Variants in DENND4A observed in about 807,000 individuals in gnomAD.
DENND4A encodes C-myc promoter-binding protein.
A neutral mutation model predicts 199.3 loss-of-function variants in DENND4A; 70 were observed. The observed-to-expected ratio is 0.35, with a 90% CI of 0.29 to 0.43. The LOEUF (loss-of-function observed/expected upper bound fraction) is 0.43. DENND4A is among the 20% of genes least tolerant of loss of function. DENND4A has a pLI of 1.00. For synonymous variants in DENND4A, 686 were observed against 766.9 expected (o/e 0.89, Z 1.74); for missense variants, 1,723 against 2,255.8 (o/e 0.76, Z 4.78).
At chr15:65,718,023 T>G (rs1473815370) in intron 12 of DENND4A, 27 bp from the exon 13 acceptor site, 10 of 1,502,918 alleles carry the variant, frequency 6.7e-6, no homozygotes, top group Non-Finnish European at 9.0e-6. Context: ...TGTTAGTGTT[T>G]TCTCCAAACT....
intron 1 of DENND4A, among the ~76,000 whole-genome samples, chr15:65,768,432 C>A (rs2077040333): frequency 6.6e-6 from 1 of 152,160 alleles, no homozygotes. Context: ...AAACACCTCA[C>A]AGGTCGAGAA....
chr15:65,717,558 C>CTA (rs1399262646), intron 13 of DENND4A, among the ~76,000 whole-genome samples: 1 of 152,028 alleles, frequency 6.6e-6, no homozygotes, highest in East Asian at 1.9e-4. Context: ...TTGGGAGGCT[C>CTA]TATACTTTTC....
At chr15:65,729,859 T>A (rs546436731) in intron 9 of DENND4A, among the ~76,000 whole-genome samples, 181 bp from the exon 10 acceptor site, 43 of 152,210 alleles carry the variant, frequency 2.8e-4, no homozygotes, top group Non-Finnish European at 3.8e-4. Context: ...GGGAAAACAC[T>A]GCATCACAAA....
intron 4 of DENND4A, among the ~76,000 whole-genome samples, chr15:65,747,922 C>T (rs565051376): frequency 2.9e-4 from 44 of 151,146 alleles, no homozygotes; most frequent in African/African-American, 1.0e-3. Context: ...CGCCTGTAAT[C>T]CCAGCTACTC....
At position 65,726,714 on chromosome 15, in the gene DENND4A, G is replaced by C. The variant is rs150513911; in HGVS notation, c.1487+2358C>G. ...AAGCTTTAGGCTGTCTCAGCCCTTTGGGAGGCCGAGGCAGGCAGATCACCT... is the reference window on the plus strand; with the variant it reads ...AAGCTTTAGGCTGTCTCAGCCCTTTCGGAGGCCGAGGCAGGCAGATCACCT... On this transcript the variant is annotated intron_variant, in intron 11 of 32. Coordinates refer to ENST00000443035, the MANE Select transcript of DENND4A (RefSeq NM_001320835.1). Among the ~76,000 whole-genome samples the C allele has an allele frequency of 2.6e-3, 391 of 152,280 alleles. 1 individual carries two copies. Among genetic ancestry groups the C allele is most frequent in the African/African-American group, 9.1e-3 (377 of 41,562 alleles).
At chr15:65,781,040 A>G (rs1240220566) in intron 1 of DENND4A, among the ~76,000 whole-genome samples, 1 of 152,248 alleles carries the variant, frequency 6.6e-6, no homozygotes, top group Non-Finnish European at 1.5e-5. Context: ...TTCTAGAGAA[A>G]GTAATGCCCA....
rs750008815 is a variant in DENND4A at position 65,677,477 on chromosome 15, G to A, written c.4180-843C>T. Among the ~76,000 whole-genome samples the A allele has an allele frequency of 9.9e-5, 15 of 152,236 alleles. No individual in the cohort carries two copies. In the South Asian group the frequency reaches 1.0e-3, roughly 11 times the overall value. On this transcript the variant is annotated intron_variant, in intron 23 of 32. Coordinates refer to ENST00000443035, the MANE Select transcript of DENND4A (RefSeq NM_001320835.1). The stretch of plus-strand genomic sequence containing the variant: ...ACCTGCCTTGGCCTCCCAAAGTGCT[G>A]GAATTACACGCCTGAGCCACCGTGC...
At chr15:65,706,475 CACACACACACACACACACACAT>C (rs1352888096) in intron 14 of DENND4A, among the ~76,000 whole-genome samples, 3 of 113,412 alleles carry the variant, frequency 2.6e-5, no homozygotes, top group African/African-American at 4.1e-5. Context: ...CACACACACA[CACACACACACACACACACACAT>C]ATATATATAT....
At chr15:65,663,611 T>G (rs1596376098) in intron 32 of DENND4A, among the ~76,000 whole-genome samples, 1 of 152,280 alleles carries the variant, frequency 6.6e-6, no homozygotes, top group East Asian at 1.9e-4. Flanking sequence ...AGCATTACCC[T>G]GATGTAATTA....
intron 24 of DENND4A, among the ~76,000 whole-genome samples, chr15:65,673,314 C>CA (rs1431309079): frequency 6.6e-6 from 1 of 151,396 alleles, no homozygotes; most frequent in African/African-American, 2.4e-5. Flanking sequence ...ACAAAAAATA[C>CA]AAAAAAAGTA....
chr15:65,785,112 C>T (rs879737466), intron 1 of DENND4A, among the ~76,000 whole-genome samples: 35 of 150,106 alleles, frequency 2.3e-4, no homozygotes, highest in African/African-American at 7.9e-4. Flanking sequence ...GGTGACAGAA[C>T]GAGACTCTGT....
chr15:65,784,619 G>A (rs2077519019), intron 1 of DENND4A, among the ~76,000 whole-genome samples: 1 of 152,186 alleles, frequency 6.6e-6, no homozygotes, highest in African/African-American at 2.4e-5. Flanking sequence ...TTTAAGGCAT[G>A]TATAGTGGGT....
At chr15:65,768,545 T>C (rs62014410) in intron 1 of DENND4A, among the ~76,000 whole-genome samples, 10,547 of 152,248 alleles carry the variant, frequency 0.069, 368 homozygotes, top group African/African-American at 0.096. Context: ...TCTGAACTTT[T>C]ACATAAATGG....
chr15:65,678,775 G>A (rs1250790112), intron 23 of DENND4A, among the ~76,000 whole-genome samples: 2 of 151,402 alleles, frequency 1.3e-5, no homozygotes, highest in Non-Finnish European at 2.9e-5. Flanking sequence ...TAGCAGCCTC[G>A]ACTCCTCAGG....
At chr15:65,777,241 A>G (rs572945295) in intron 1 of DENND4A, among the ~76,000 whole-genome samples, 1 of 152,056 alleles carries the variant, frequency 6.6e-6, no homozygotes, top group African/African-American at 2.4e-5. Flanking sequence ...CTTCCCCTTC[A>G]TGAGTCTTGG....
chr15:65,778,304 T>C (rs1439832390), intron 1 of DENND4A, among the ~76,000 whole-genome samples: 1 of 151,976 alleles, frequency 6.6e-6, no homozygotes, highest in African/African-American at 2.4e-5. Context: ...GGGGTGAGGT[T>C]TTTCTTCTCT....
At chr15:65,733,419 C>A (rs988677935) in intron 7 of DENND4A, among the ~76,000 whole-genome samples, 3 of 151,940 alleles carry the variant, frequency 2.0e-5, no homozygotes, top group East Asian at 1.9e-4. Flanking sequence ...TATTTTATTT[C>A]TGAATTTTTT....
chr15:65,730,677 G>A (rs2075931867), intron 9 of DENND4A, among the ~76,000 whole-genome samples: 1 of 152,072 alleles, frequency 6.6e-6, no homozygotes, highest in African/African-American at 2.4e-5. Flanking sequence ...TATAGAGACA[G>A]AATGTAGATT....
chr15:65,776,328 T>C (rs2077282380), intron 1 of DENND4A, among the ~76,000 whole-genome samples: 1 of 152,198 alleles, frequency 6.6e-6, no homozygotes, highest in African/African-American at 2.4e-5. Context: ...AAATAATGAC[T>C]CAAACTTCCA....
Sources: gnomAD v4.1 joint callset for allele counts (sites outside exome capture counted in the v4.1 genomes callset) on GRCh38, gnomAD v4.1.1 for gene constraint, MANE v1.5 for transcripts, NCBI Gene and HGNC (gene_info 2026-07-23, HGNC 2026-07-21) for gene names.